TTBK2: variants seen among roughly 807,000 people sequenced by gnomAD.
TTBK2 encodes tau tubulin kinase 2.
Under a neutral mutation model 110.8 loss-of-function variants are expected in TTBK2, and 28 were observed. That is an observed-to-expected ratio of 0.25 (90% CI 0.19 to 0.35). The LOEUF (loss-of-function observed/expected upper bound fraction) is 0.35. Ranked by LOEUF, TTBK2 falls within the 10% of genes least tolerant of loss-of-function variation. The pLI is 1.00. For synonymous variants in TTBK2, 532 were observed against 527.3 expected (o/e 1.01, Z -0.12); for missense variants, 1,369 against 1,500.3 (o/e 0.91, Z 1.45).
chr15:42,791,684 G>A (rs1890692318), intron 10 of TTBK2, among the ~76,000 whole-genome samples: 1 of 152,266 alleles, frequency 6.6e-6, no homozygotes, highest in African/African-American at 2.4e-5. Context: ...CCTTGGGCAG[G>A]GGTGGGTCAG....
intron 9 of TTBK2, chr15:42,802,113 G>A (rs1379566813): frequency 6.9e-7 from 1 of 1,454,092 alleles, no homozygotes; most frequent in South Asian, 1.1e-5. Context: ...AGAAAAACTT[G>A]TTGTTGAGGG....
chr15:42,819,572 A>T (rs1239068521), intron 6 of TTBK2, among the ~76,000 whole-genome samples: 1 of 152,224 alleles, frequency 6.6e-6, no homozygotes, highest in African/African-American at 2.4e-5. Context: ...AAGTCTCAGT[A>T]ATTAAAATTT....
At chr15:42,919,725 T>C (rs2031268226) in intron 1 of TTBK2, 2 of 921,070 alleles carry the variant, frequency 2.2e-6, no homozygotes, top group Non-Finnish European at 1.3e-6. Context: ...TCAACTTTAA[T>C]TCAAAGCAAA....
At chr15:42,802,768 C>A (rs1250823616) in intron 9 of TTBK2, among the ~76,000 whole-genome samples, 1 of 152,134 alleles carries the variant, frequency 6.6e-6, no homozygotes, top group Non-Finnish European at 1.5e-5. Context: ...TTGAAGGATA[C>A]AAAGTATTGA....
At chr15:42,871,409 C>T in intron 3 of TTBK2, 1 of 982,900 alleles carries the variant, frequency 1.0e-6, no homozygotes, top group Non-Finnish European at 1.2e-6. Flanking sequence ...GCAGGAGAAC[C>T]TCCTGAAGGG....
intron 13 of TTBK2, among the ~76,000 whole-genome samples, chr15:42,768,022 T>C (rs1889468968): frequency 6.6e-6 from 1 of 152,234 alleles, no homozygotes; most frequent in Non-Finnish European, 1.5e-5. Context: ...CGTATGTTTA[T>C]CTCAACAGAT....
Position 42,920,573 on chromosome 15 carries a change from C to G in TTBK2, c.-203G>C, listed in dbSNP as rs1403628137. 6.5e-6 allele frequency: 1 copy of G among 153,770 alleles called. No homozygotes were observed. Among genetic ancestry groups the G allele is most frequent in the Non-Finnish European group, 1.5e-5 (1 of 68,684 alleles). 9.5% of individuals were successfully genotyped at this position (153,770 alleles called of 1,614,324 possible). On this transcript the variant is annotated 5_prime_UTR_variant, in exon 1 of 15. Coordinates refer to ENST00000267890, the MANE Select transcript of TTBK2 (RefSeq NM_173500.4). ...CCCCACCGCCGACTGCGGCGGGACC[C>G]GAGCGCGGCTTCCAGGGCCGGCCGG...
At chr15:42,889,655 T>C (rs1301909052) in intron 1 of TTBK2, among the ~76,000 whole-genome samples, 1 of 152,200 alleles carries the variant, frequency 6.6e-6, no homozygotes, top group Non-Finnish European at 1.5e-5. Flanking sequence ...TTTTTCTCCT[T>C]CTTTTATTCA....
chr15:42,898,314 G>A (rs1422863225), intron 1 of TTBK2, among the ~76,000 whole-genome samples: 1 of 152,092 alleles, frequency 6.6e-6, no homozygotes, highest in South Asian at 2.1e-4. Flanking sequence ...AGCACTTTGG[G>A]AGGCTGAGGC....
chr15:42,802,995 A>G (rs1219037735), intron 9 of TTBK2, among the ~76,000 whole-genome samples: 2 of 152,186 alleles, frequency 1.3e-5, no homozygotes, highest in East Asian at 1.9e-4. Flanking sequence ...TCAGACTCCA[A>G]GTTCTTCAGT....
intron 1 of TTBK2, among the ~76,000 whole-genome samples, chr15:42,892,141 C>A (rs923359537): frequency 6.6e-6 from 1 of 152,148 alleles, no homozygotes; most frequent in Non-Finnish European, 1.5e-5. Flanking sequence ...ATACTATGCT[C>A]TCTGATAACA....
intron 1 of TTBK2, among the ~76,000 whole-genome samples, chr15:42,896,239 A>G (rs1203160514): frequency 6.6e-6 from 1 of 151,306 alleles, no homozygotes; most frequent in Non-Finnish European, 1.5e-5. Context: ...GAGGCAGGAG[A>G]ATTGCTTGAA....
chr15:42,764,314 C>T (rs991454762), intron 13 of TTBK2, among the ~76,000 whole-genome samples: 5 of 152,358 alleles, frequency 3.3e-5, no homozygotes, highest in East Asian at 1.9e-4. Flanking sequence ...TCGCCTCACC[C>T]GGGAAGCATA....
At chr15:42,905,860 G>A (rs952296729) in intron 1 of TTBK2, among the ~76,000 whole-genome samples, 1 of 152,092 alleles carries the variant, frequency 6.6e-6, no homozygotes, top group Non-Finnish European at 1.5e-5. Context: ...TATGTAAAGT[G>A]TTTATTCATC....
At chr15:42,914,693 T>G (rs1596056141) in intron 1 of TTBK2, among the ~76,000 whole-genome samples, 1 of 152,242 alleles carries the variant, frequency 6.6e-6, no homozygotes, top group South Asian at 2.1e-4. Flanking sequence ...TAATTTCAAA[T>G]AGTCTTTTAA....
chr15:42,810,655 G>C lies in TTBK2; in HGVS notation c.781C>G (p.His261Asp). ...GTAAAATAATCCAAAGAAGAGATAT[G>C]GTCTAGAAAGATGCTGAATTCTGGA... ...LPPEFSIFLD[H>D]ISSLDYFTKP... Residue 261 changes from histidine to aspartate, a missense_variant, in exon 9 of 15, where the codon CAT becomes GAT. Physicochemically the swap from His to Asp is moderately conservative, Grantham distance 81 (BLOSUM62 -1). Transcript: ENST00000267890. 1 of 1,613,908 alleles carries C rather than the reference G, an allele frequency of 6.2e-7. No individual in the cohort carries two copies. Among genetic ancestry groups the C allele is most frequent in the Non-Finnish European group, 8.5e-7 (1 of 1,179,908 alleles).
chr15:42,817,253 TAG>T lies in TTBK2; in HGVS notation c.538-158_538-157del, dbSNP rs144596593. On this transcript the variant is annotated intron_variant, in intron 6 of 14. Coordinates refer to ENST00000267890, the MANE Select transcript of TTBK2 (RefSeq NM_173500.4). ...TTTTAACTATGAAATTACAAGAAAC[TAG>T]AGAGATTATCTCTAAATCACATCTT... Among the ~76,000 whole-genome samples the T allele has an allele frequency of 5.5e-3, 832 of 151,862 alleles. 10 individuals carry two copies. Among genetic ancestry groups the T allele is most frequent in the African/African-American group, 0.019 (787 of 41,394 alleles).
intron 1 of TTBK2, among the ~76,000 whole-genome samples, chr15:42,913,890 T>C (rs2030933823): frequency 6.6e-6 from 1 of 152,162 alleles, no homozygotes; most frequent in South Asian, 2.1e-4. Flanking sequence ...CAAAGCATTA[T>C]GTCTATGATC....
chr15:42,775,674 G>A lies in TTBK2; in HGVS notation c.1459C>T (p.Pro487Ser). Residue 487 changes from proline (P) to serine (S), a missense_variant, in exon 13 of 15, where the codon CCT becomes TCT. Physicochemically the swap from Pro to Ser is moderately conservative, Grantham distance 74 (BLOSUM62 -1). Around this residue, in one of 4 missense-constraint regions of TTBK2, gnomAD observed 1,097 missense variants for 1,114.7 expected, o/e 0.98. Coordinates refer to ENST00000267890, the MANE Select transcript of TTBK2 (RefSeq NM_173500.4). The part of the protein sequence containing the change: ...DTSAGKESIL[P>S]ALLHKPCVPA... ...ACGCAAGGCTTATGCAGCAGAGCAG[G>A]GAGAATAGATTCTTTTCCTGCACTG... The A allele has an allele frequency of 1.2e-6, 2 of 1,613,362 alleles. No homozygotes were observed. The highest frequency in any genetic ancestry group is 1.7e-6 in the Non-Finnish European group (2 of 1,179,800).
Sources: allele counts gnomAD v4.1 joint callset (sites outside exome capture counted in the v4.1 genomes callset), GRCh38; gene constraint gnomAD v4.1.1; regional missense constraint gnomAD v4.1.1; transcripts MANE v1.5; gene names NCBI Gene and HGNC (gene_info 2026-07-23, HGNC 2026-07-21).